The following BAIAP2L1 variants were observed in gnomAD, a reference collection of about 807,000 sequenced individuals.
BAIAP2L1 encodes BAR/IMD domain containing adaptor protein 2 like 1.
In BAIAP2L1, 35 loss-of-function variants were observed where a neutral mutation model predicts 66.3. The observed-to-expected ratio is 0.53, with a 90% CI of 0.40 to 0.70. BAIAP2L1 has a LOEUF of 0.70. Among genes scored for constraint, BAIAP2L1 ranks in the 30% least tolerant of loss-of-function variants. BAIAP2L1 has a pLI of 0.00. For synonymous variants in BAIAP2L1, 269 were observed against 248.7 expected, an observed-to-expected ratio of 1.08 and a Z score of -0.77; for missense variants, 622 against 656.9, an observed-to-expected ratio of 0.95 and a Z score of 0.58.
intron 1 of BAIAP2L1, among the ~76,000 whole-genome samples, chr7:98,394,411 T>C (rs1031545472): frequency 6.6e-6 from 1 of 152,300 alleles, no homozygotes; most frequent in South Asian, 2.1e-4. Context: ...TCTTGGTTTG[T>C]CTTCTGACAT....
At chr7:98,326,297 C>T (rs994396404) in intron 3 of BAIAP2L1, among the ~76,000 whole-genome samples, 4 of 152,146 alleles carry the variant, frequency 2.6e-5, no homozygotes, top group Admixed American at 1.3e-4. Flanking sequence ...AACAAAAACA[C>T]GTACAAACAA....
chr7:98,306,819 T>TG, intron 10 of BAIAP2L1: 2 of 381,830 alleles, frequency 5.2e-6, no homozygotes. Flanking sequence ...GCAATCCCCC[T>TG]GCCTCAGCAT....
chr7:98,384,071 G>A (rs1053172722), intron 1 of BAIAP2L1, among the ~76,000 whole-genome samples: 17 of 151,478 alleles, frequency 1.1e-4, no homozygotes, highest in African/African-American at 2.7e-4. Flanking sequence ...GGAGAATCAC[G>A]TGAACCTGGG....
chr7:98,398,529 A>T (rs978350686), intron 1 of BAIAP2L1, among the ~76,000 whole-genome samples: 1 of 151,986 alleles, frequency 6.6e-6, no homozygotes, highest in African/African-American at 2.4e-5. Flanking sequence ...TAAAACGAAC[A>T]AACATTTAGT....
At chr7:98,339,136 T>G (rs558660089) in intron 3 of BAIAP2L1, among the ~76,000 whole-genome samples, 2 of 152,006 alleles carry the variant, frequency 1.3e-5, no homozygotes, top group African/African-American at 4.8e-5. Context: ...GGTTGGTGTC[T>G]AGAATGGAAT....
chr7:98,388,378 G>A (rs1160261061), intron 1 of BAIAP2L1, among the ~76,000 whole-genome samples: 3 of 152,236 alleles, frequency 2.0e-5, no homozygotes, highest in East Asian at 1.9e-4. Context: ...CTGTAATCCC[G>A]GCTACTCGGG....
intron 12 of BAIAP2L1, among the ~76,000 whole-genome samples, chr7:98,299,346 C>T (rs905164219): frequency 1.1e-4 from 16 of 151,588 alleles, no homozygotes; most frequent in African/African-American, 1.2e-4. Context: ...TCTATATAGA[C>T]GAGGTCCCAC....
intron 3 of BAIAP2L1, among the ~76,000 whole-genome samples, chr7:98,333,513 C>T (rs948598291): frequency 2.0e-5 from 3 of 152,028 alleles, no homozygotes; most frequent in African/African-American, 7.2e-5. Context: ...GCAGGAGAAT[C>T]ACTTCAACCT....
chr7:98,352,075 T>C (rs1040023521), intron 3 of BAIAP2L1, among the ~76,000 whole-genome samples: 2 of 130,164 alleles, frequency 1.5e-5, no homozygotes, highest in African/African-American at 5.1e-5. Flanking sequence ...ACAATCTATC[T>C]TTGGTCTTTT....
At position 98,293,278 on chromosome 7, in the gene BAIAP2L1, G is replaced by A; in HGVS notation, c.*243C>T. On this transcript the variant is annotated 3_prime_UTR_variant, in exon 14 of 14. Transcript: ENST00000005260. ...AACCAAGTTTACTGTTTCTTGAACA[G>A]AATAGGAAGAAAATATTTTAAATGG... 1 of 438,084 alleles carries A rather than the reference G, an allele frequency of 2.3e-6. No homozygotes were observed. Among genetic ancestry groups the A allele is most frequent in the East Asian group, 3.4e-5 (1 of 29,056 alleles). 27.1% of individuals were successfully genotyped at this position (438,084 alleles called of 1,614,324 possible). A position where few individuals can be genotyped will look rare whatever the true frequency, so the allele number is the denominator to read the frequency against.
At chr7:98,297,336 G>C (rs1800234822) in intron 12 of BAIAP2L1, among the ~76,000 whole-genome samples, 1 of 152,212 alleles carries the variant, frequency 6.6e-6, no homozygotes, top group African/African-American at 2.4e-5. Context: ...CAGGTTGGGG[G>C]ACTAGTTGAC....
At position 98,317,465 on chromosome 7, in the gene BAIAP2L1, C is replaced by T. The variant is rs1801110222; in HGVS notation, c.349-109G>A. 123 of 1,366,818 alleles carry T rather than the reference C, an allele frequency of 9.0e-5. 1 individual carries two copies. In the South Asian group the frequency reaches 1.5e-3, roughly 17 times the overall value. The allele number at this position is 1,366,818 out of a possible 1,614,324, so 84.7% of individuals were successfully genotyped here. A position where few individuals can be genotyped will look rare whatever the true frequency, so the allele number is the denominator to read the frequency against. ...GTGTGGCTCAACGGGGCCCTGACAC[C>T]CTCACTTCACACCATCCTCACACTG... On this transcript the variant is annotated intron_variant, in intron 5 of 13. Transcript: ENST00000005260.
At chr7:98,380,752 T>TA (rs1562791239) in intron 1 of BAIAP2L1, among the ~76,000 whole-genome samples, 1 of 126,214 alleles carries the variant, frequency 7.9e-6, no homozygotes, top group African/African-American at 2.9e-5. Context: ...TTTTTTTTTT[T>TA]AATAAAAAAA....
chr7:98,375,452 A>G (rs1387049328), intron 1 of BAIAP2L1, among the ~76,000 whole-genome samples: 1 of 151,782 alleles, frequency 6.6e-6, no homozygotes, highest in Admixed American at 6.6e-5. Context: ...AGTCCCCACA[A>G]GAATTACTAA....
intron 1 of BAIAP2L1, among the ~76,000 whole-genome samples, chr7:98,393,175 A>ACACACACATGTG (rs1554341929): frequency 8.0e-5 from 11 of 138,126 alleles, no homozygotes; most frequent in African/African-American, 3.0e-4. Flanking sequence ...ATGTATATAT[A>ACACACACATGTG]TACATATATG....
At chr7:98,324,039 G>A (rs1195249828) in intron 3 of BAIAP2L1, among the ~76,000 whole-genome samples, 3 of 152,122 alleles carry the variant, frequency 2.0e-5, no homozygotes, top group African/African-American at 7.2e-5. Flanking sequence ...AAAACCCGGA[G>A]GGTGGGGCGA....
At chr7:98,372,999 C>G (rs1802545177) in intron 1 of BAIAP2L1, among the ~76,000 whole-genome samples, 1 of 152,172 alleles carries the variant, frequency 6.6e-6, no homozygotes, top group Admixed American at 6.5e-5. Flanking sequence ...CTTGGCCTCC[C>G]AAAGTGCTGG....
chr7:98,294,746 TA>T (rs1191331508), intron 12 of BAIAP2L1, among the ~76,000 whole-genome samples: 1 of 152,052 alleles, frequency 6.6e-6, no homozygotes, highest in Non-Finnish European at 1.5e-5. Context: ...GAAATAAAAA[TA>T]AAACCCCACT....
intron 3 of BAIAP2L1, among the ~76,000 whole-genome samples, chr7:98,334,841 TG>T (rs770006843): frequency 5.9e-4 from 86 of 145,986 alleles, no homozygotes; most frequent in Non-Finnish European, 1.0e-3. Flanking sequence ...CCACCTTGCC[TG>T]GCCAAGTTTT....
Sources: allele counts gnomAD v4.1 joint callset (sites outside exome capture counted in the v4.1 genomes callset), GRCh38; gene constraint gnomAD v4.1.1; transcripts MANE v1.5; gene names NCBI Gene and HGNC (gene_info 2026-07-23, HGNC 2026-07-21).